Variants in PIEZO2 observed in about 807,000 individuals in gnomAD.
PIEZO2 encodes piezo-type mechanosensitive ion channel component 2.
A neutral mutation model predicts 337.3 loss-of-function variants in PIEZO2; 172 were observed. The ratio of observed to expected loss-of-function variants is 0.51; its 90% confidence interval spans 0.45 to 0.58. PIEZO2 has a LOEUF of 0.58. Among genes scored for constraint, PIEZO2 ranks in the 20% least tolerant of loss-of-function variants. PIEZO2 has a pLI of 0.00. For synonymous variants in PIEZO2, 1,251 were observed against 1,228.5 expected, an observed-to-expected ratio of 1.02 and a Z score of -0.38; for missense variants, 3,028 against 3,391.3, an observed-to-expected ratio of 0.89 and a Z score of 2.66.
intron 14 of PIEZO2, 147 bp downstream of exon 14, chr18:10,791,054 A>G: frequency 2.1e-6 from 2 of 975,436 alleles, no homozygotes; most frequent in Non-Finnish European, 2.8e-6. Context: ...GTACCTCAAA[A>G]GTCACACGCT....
chr18:10,765,078 TAA>T (rs1325673953), intron 21 of PIEZO2, among the ~76,000 whole-genome samples: 2 of 152,232 alleles, frequency 1.3e-5, no homozygotes, highest in Non-Finnish European at 2.9e-5. Flanking sequence ...TAACTTTCAT[TAA>T]GTCTTAACTA....
intron 1 of PIEZO2, among the ~76,000 whole-genome samples, chr18:11,135,706 C>T (rs1385024514): frequency 6.6e-6 from 1 of 152,118 alleles, no homozygotes; most frequent in African/African-American, 2.4e-5. Flanking sequence ...TGCCATCACG[C>T]CCAGCTAATT....
intron 1 of PIEZO2, among the ~76,000 whole-genome samples, chr18:11,123,678 T>G (rs1417026352): frequency 6.6e-6 from 1 of 151,922 alleles, no homozygotes; most frequent in Non-Finnish European, 1.5e-5. Flanking sequence ...GGCGTGGTGG[T>G]GGGCACCTGT....
At chr18:10,995,346 G>C (rs2035283018) in intron 2 of PIEZO2, among the ~76,000 whole-genome samples, 1 of 152,048 alleles carries the variant, frequency 6.6e-6, no homozygotes, top group African/African-American at 2.4e-5. Flanking sequence ...TAATTTCTTT[G>C]AGTTTGTTGT....
chr18:10,960,949 C>T (rs1012478565), intron 3 of PIEZO2, among the ~76,000 whole-genome samples: 2 of 151,992 alleles, frequency 1.3e-5, no homozygotes, highest in South Asian at 2.1e-4. Flanking sequence ...GAGGCTGAGG[C>T]GGGCGGATCA....
At chr18:10,957,401 A>G (rs1050187534) in intron 3 of PIEZO2, among the ~76,000 whole-genome samples, 1 of 120,176 alleles carries the variant, frequency 8.3e-6, no homozygotes, top group Admixed American at 8.3e-5. Flanking sequence ...CTCAAAACAA[A>G]CCAACAAAAA....
At chr18:10,845,601 T>G (rs533615913) in intron 7 of PIEZO2, among the ~76,000 whole-genome samples, 34 of 152,216 alleles carry the variant, frequency 2.2e-4, no homozygotes, top group Admixed American at 1.1e-3. Flanking sequence ...TCGGGCACAC[T>G]GTCTTACTAA....
intron 44 of PIEZO2, among the ~76,000 whole-genome samples, 153 bp downstream of exon 44, chr18:10,698,772 G>A (rs1480827028): frequency 6.6e-6 from 1 of 152,120 alleles, no homozygotes; most frequent in African/African-American, 2.4e-5. Context: ...TTGAACTCGG[G>A]TTTCTCTGAT....
At position 11,059,096 on chromosome 18, in the gene PIEZO2, A is replaced by G. The variant is rs544964426; in HGVS notation, c.160+7031T>C. Among the ~76,000 whole-genome samples the G allele has an allele frequency of 2.0e-3, 312 of 152,350 alleles. 2 individuals carry two copies. The highest frequency in any genetic ancestry group is 7.1e-3 in the African/African-American group (296 of 41,582). On this transcript the variant is annotated intron_variant, in intron 2 of 55. Coordinates refer to ENST00000674853, the MANE Select transcript of PIEZO2 (RefSeq NM_001378183.1). Reference sequence around the variant, plus strand: ...TACAAGCCAGAAGAGAGTGGGGGCCAATATTCAACATTCTTAAAGAAAAGA... The same window carrying G: ...TACAAGCCAGAAGAGAGTGGGGGCCGATATTCAACATTCTTAAAGAAAAGA...
chr18:10,917,508 G>T (rs530259274), intron 3 of PIEZO2, among the ~76,000 whole-genome samples: 1 of 152,132 alleles, frequency 6.6e-6, no homozygotes, highest in Non-Finnish European at 1.5e-5. Context: ...TTCTTTCAAT[G>T]GATTCATTGC....
intron 4 of PIEZO2, among the ~76,000 whole-genome samples, chr18:10,873,044 C>T (rs1420173862): frequency 6.6e-6 from 1 of 152,106 alleles, no homozygotes; most frequent in Non-Finnish European, 1.5e-5. Context: ...CATGTAAATA[C>T]ATACACACAT....
chr18:10,851,527 TATG>T (rs1169922584), intron 7 of PIEZO2, among the ~76,000 whole-genome samples: 2 of 152,180 alleles, frequency 1.3e-5, no homozygotes, highest in African/African-American at 4.8e-5. Context: ...GAAGAGCAAA[TATG>T]ATGTTATTAC....
chr18:11,041,715 G>A (rs547186013), intron 2 of PIEZO2, among the ~76,000 whole-genome samples: 5 of 152,016 alleles, frequency 3.3e-5, no homozygotes, highest in Non-Finnish European at 5.9e-5. Flanking sequence ...GCTGCTTAAC[G>A]ACAACTTATA....
rs942899505 is a variant in PIEZO2, at chr18:10,899,914, T to G, written c.329+11272A>C. Among the ~76,000 whole-genome samples the G allele has an allele frequency of 3.4e-4, 52 of 152,214 alleles. No individual in the cohort carries two copies. The highest frequency in any genetic ancestry group is 8.8e-5 in the Non-Finnish European group (6 of 68,034). On this transcript the variant is annotated intron_variant, in intron 4 of 55. Coordinates refer to ENST00000674853, the MANE Select transcript of PIEZO2 (RefSeq NM_001378183.1). This position sits in a 1 kb window ranked among gnomAD's most constrained non-coding sequence, Gnocchi z 4.6. ...CATTGTCATTCATTAACTCGAAGACTGTTTATATTAGTCATAATGATCCAA... is the reference window on the plus strand; with the variant it reads ...CATTGTCATTCATTAACTCGAAGACGGTTTATATTAGTCATAATGATCCAA...
rs1319665845 is a variant in PIEZO2 at position 10,854,274 on chromosome 18, A to G, written c.917+1079T>C. 6.6e-6 allele frequency among the ~76,000 whole-genome samples: 1 copy of G among 152,170 alleles called. No individual in the cohort carries two copies. The highest frequency in any genetic ancestry group is 1.5e-5 in the Non-Finnish European group (1 of 68,036). Reference sequence around the variant, plus strand: ...GAGGTGTGAAATGTTAAGCTATCTCAGTTTTGATCATGTTGACTTCAATCA... The same window carrying G: ...GAGGTGTGAAATGTTAAGCTATCTCGGTTTTGATCATGTTGACTTCAATCA... On this transcript the variant is annotated intron_variant, in intron 7 of 55. Coordinates refer to ENST00000674853, the MANE Select transcript of PIEZO2 (RefSeq NM_001378183.1). The surrounding 1 kb of genome is among the most constrained non-coding windows in gnomAD (Gnocchi z 4.6).
In PIEZO2 at chr18:10,980,138, T is replaced by C. The variant is rs1321961136; in HGVS notation, c.161-478A>G. On this transcript the variant is annotated intron_variant, in intron 2 of 55. Coordinates refer to ENST00000674853, the MANE Select transcript of PIEZO2 (RefSeq NM_001378183.1). The surrounding 1 kb of genome is among the most constrained non-coding windows in gnomAD (Gnocchi z 4.8). ...CCCCATGTTACTCATAACATAGATA[T>C]GAATTATTTTTTTTAAATGTGTTAA... Among the ~76,000 whole-genome samples the C allele has an allele frequency of 6.6e-6, 1 of 151,776 alleles. No homozygotes were observed. The highest frequency in any genetic ancestry group is 1.9e-4 in the East Asian group (1 of 5,192).
Position 10,759,427 on chromosome 18 carries a change from A to T in PIEZO2, c.3757+55T>A, listed in dbSNP as rs1317789401. The T allele has an allele frequency of 2.2e-5, 31 of 1,423,698 alleles. No homozygotes were observed. The highest frequency in any genetic ancestry group is 3.0e-5 in the Non-Finnish European group (31 of 1,045,622). 88.2% of individuals were successfully genotyped at this position (1,423,698 alleles called of 1,614,324 possible). The stretch of plus-strand genomic sequence containing the variant: ...ACTAATGCATAGCACGTGAACAATG[A>T]TTAACAGTAAACCCGGATACCAGCA... On this transcript the variant is annotated intron_variant, in intron 26 of 55. Transcript: ENST00000674853. The surrounding 1 kb of genome is among the most constrained non-coding windows in gnomAD (Gnocchi z 5.5).
rs1028064133 is a variant in PIEZO2 at position 10,833,572 on chromosome 18, G to A, written c.917+21781C>T. 6.6e-6 allele frequency among the ~76,000 whole-genome samples: 1 copy of A among 152,134 alleles called. No homozygotes were observed. Among genetic ancestry groups the A allele is most frequent in the Non-Finnish European group, 1.5e-5 (1 of 68,032 alleles). ...TACTACAAGGATGAGAGATTGTACAGCCCAAACTGCACCTGAACCACGCAA... is the reference window on the plus strand; with the variant it reads ...TACTACAAGGATGAGAGATTGTACAACCCAAACTGCACCTGAACCACGCAA... On this transcript the variant is annotated intron_variant, in intron 7 of 55. Coordinates refer to ENST00000674853, the MANE Select transcript of PIEZO2 (RefSeq NM_001378183.1). The surrounding 1 kb of genome is among the most constrained non-coding windows in gnomAD (Gnocchi z 4.7).
At chr18:10,706,124 T>A (rs2035576250) in intron 40 of PIEZO2, among the ~76,000 whole-genome samples, 1 of 152,170 alleles carries the variant, frequency 6.6e-6, no homozygotes, top group Non-Finnish European at 1.5e-5. Flanking sequence ...GAGGGGCATC[T>A]CTGGAGGGCA....
Sources: allele counts gnomAD v4.1 joint callset (sites outside exome capture counted in the v4.1 genomes callset), GRCh38; gene constraint gnomAD v4.1.1; non-coding constraint Gnocchi (gnomAD v3.1); transcripts MANE v1.5; gene names NCBI Gene and HGNC (gene_info 2026-07-23, HGNC 2026-07-21).